Variants in CHRM3 observed in about 807,000 individuals in gnomAD.
The protein encoded by CHRM3 is cholinergic receptor muscarinic 3.
In CHRM3, 11 loss-of-function variants were observed where a neutral mutation model predicts 41.8. The observed-to-expected ratio is 0.26, with a 90% CI of 0.17 to 0.44. The LOEUF is 0.44. CHRM3 is among the 20% of genes least tolerant of loss of function. The pLI, the probability that CHRM3 is intolerant of heterozygous loss-of-function variation, is 1.00. For synonymous variants in CHRM3, 297 were observed against 301.4 expected (o/e 0.99, Z 0.15); for missense variants, 571 against 745.4 (o/e 0.77, Z 2.72).
chr1:239,876,581 T>C (rs190201912), intron 6 of CHRM3, among the ~76,000 whole-genome samples: 2 of 152,338 alleles, frequency 1.3e-5, no homozygotes, highest in Non-Finnish European at 2.9e-5. Context: ...CATTCATAGA[T>C]ATACATCTCC....
chr1:239,799,871 C>G (rs914808461), intron 5 of CHRM3, among the ~76,000 whole-genome samples: 1 of 152,052 alleles, frequency 6.6e-6, no homozygotes, highest in Non-Finnish European at 1.5e-5. Context: ...AATGAGAGCA[C>G]GTTGGAAGCT....
chr1:239,770,080 A>G lies in CHRM3; in HGVS notation c.-146-57172A>G, dbSNP rs1237755887. 2.6e-5 allele frequency among the ~76,000 whole-genome samples: 4 copies of G among 152,178 alleles called. No homozygotes were observed. The East Asian group carries it at 7.7e-4, about 29-fold the overall frequency. On this transcript the variant is annotated intron_variant, in intron 5 of 6. Coordinates refer to ENST00000676153, the MANE Select transcript of CHRM3 (RefSeq NM_001375978.1). ...GGAGCACTCTGGTTTCATACTCACA[A>G]AAGCTCTATATCAAAATACGTTGAA...
At chr1:239,696,307 T>C (rs554984114) in intron 5 of CHRM3, among the ~76,000 whole-genome samples, 1 of 152,100 alleles carries the variant, frequency 6.6e-6, no homozygotes, top group Non-Finnish European at 1.5e-5. Flanking sequence ...TAAACTATCA[T>C]GTGCTATAAA....
chr1:239,407,613 T>C (rs965141660), intron 1 of CHRM3, among the ~76,000 whole-genome samples: 4 of 152,110 alleles, frequency 2.6e-5, no homozygotes, highest in African/African-American at 9.7e-5. Flanking sequence ...TGCATATTTA[T>C]ATTGAAATCA....
At chr1:239,721,877 C>T (rs1273707640) in intron 5 of CHRM3, among the ~76,000 whole-genome samples, 1 of 151,762 alleles carries the variant, frequency 6.6e-6, no homozygotes, top group Non-Finnish European at 1.5e-5. Flanking sequence ...ATAAATATTG[C>T]AGCAGGTGAG....
intron 3 of CHRM3, among the ~76,000 whole-genome samples, chr1:239,592,178 C>G (rs560491677): frequency 6.6e-6 from 1 of 152,310 alleles, no homozygotes; most frequent in African/African-American, 2.4e-5. Flanking sequence ...ACATGACATC[C>G]ATCCATAGTC....
chr1:239,479,571 A>G (rs1229055459), intron 1 of CHRM3, among the ~76,000 whole-genome samples: 3 of 152,196 alleles, frequency 2.0e-5, no homozygotes, highest in Non-Finnish European at 4.4e-5. Flanking sequence ...TATTAGGTGA[A>G]CAGCATAGAG....
chr1:239,402,287 T>C (rs1660045191), intron 1 of CHRM3, among the ~76,000 whole-genome samples: 1 of 152,078 alleles, frequency 6.6e-6, no homozygotes, highest in African/African-American at 2.4e-5. Context: ...AAAGATAACT[T>C]CCCTCTTTAC....
chr1:239,642,700 C>G (rs1293333727), intron 4 of CHRM3, among the ~76,000 whole-genome samples: 3 of 152,068 alleles, frequency 2.0e-5, no homozygotes, highest in Non-Finnish European at 4.4e-5. Flanking sequence ...ACTTCTTTGC[C>G]TTTGGTTTGA....
chr1:239,438,246 A>G lies in CHRM3; in HGVS notation c.-521+51019A>G, dbSNP rs546228881. Among the ~76,000 whole-genome samples the G allele has an allele frequency of 3.1e-3, 476 of 152,330 alleles. 6 individuals are homozygous for G. Among genetic ancestry groups the G allele is most frequent in the African/African-American group, 0.011 (452 of 41,572 alleles). ...AGTTAAGAAAGATTTACTCTATAAAAGTATAGCTGTAGTACTGGGATGTAA... is the reference window on the plus strand; with the variant it reads ...AGTTAAGAAAGATTTACTCTATAAAGGTATAGCTGTAGTACTGGGATGTAA... On this transcript the variant is annotated intron_variant, in intron 1 of 6. Transcript: ENST00000676153.
chr1:239,877,040 T>C (rs1677162500), intron 6 of CHRM3, among the ~76,000 whole-genome samples: 1 of 152,174 alleles, frequency 6.6e-6, no homozygotes, highest in South Asian at 2.1e-4. Context: ...AGAAAAGACT[T>C]ACAGAAAATA....
intron 5 of CHRM3, among the ~76,000 whole-genome samples, chr1:239,736,996 A>T (rs1167713998): frequency 6.6e-6 from 1 of 152,166 alleles, no homozygotes; most frequent in Non-Finnish European, 1.5e-5. Flanking sequence ...GAAGTATTTT[A>T]AAATAGTTTA....
intron 5 of CHRM3, among the ~76,000 whole-genome samples, chr1:239,720,841 C>T (rs1662897324): frequency 6.6e-6 from 1 of 151,706 alleles, no homozygotes; most frequent in Non-Finnish European, 1.5e-5. Flanking sequence ...AAGTGATAGC[C>T]CCTTATCTTT....
intron 1 of CHRM3, among the ~76,000 whole-genome samples, chr1:239,418,190 C>G (rs1036507282): frequency 3.3e-5 from 5 of 152,136 alleles, no homozygotes; most frequent in African/African-American, 9.7e-5. Flanking sequence ...TTCTGAAGAC[C>G]CAGCACTGCT....
chr1:239,580,934 T>A (rs1358661183), intron 3 of CHRM3, among the ~76,000 whole-genome samples: 4 of 151,846 alleles, frequency 2.6e-5, no homozygotes, highest in Non-Finnish European at 4.4e-5. Flanking sequence ...GGTGTCTGAC[T>A]ACCCAAATGA....
chr1:239,694,245 A>C (rs1659974656), intron 5 of CHRM3, among the ~76,000 whole-genome samples: 1 of 152,240 alleles, frequency 6.6e-6, no homozygotes. Context: ...AAACCTAAAA[A>C]CTTATGATTG....
chr1:239,667,452 C>T (rs1673923068), intron 4 of CHRM3, among the ~76,000 whole-genome samples: 1 of 152,136 alleles, frequency 6.6e-6, no homozygotes, highest in Admixed American at 6.5e-5. Flanking sequence ...ATTACAAGGC[C>T]TTTTCTCCCC....
intron 6 of CHRM3, among the ~76,000 whole-genome samples, chr1:239,868,257 C>T (rs1300663927): frequency 6.6e-6 from 1 of 152,158 alleles, no homozygotes; most frequent in Non-Finnish European, 1.5e-5. Context: ...TCGTGACCTT[C>T]GGTGACAATG....
At chr1:239,594,315 A>G (rs924609363) in intron 3 of CHRM3, among the ~76,000 whole-genome samples, 1 of 152,226 alleles carries the variant, frequency 6.6e-6, no homozygotes, top group Non-Finnish European at 1.5e-5. Flanking sequence ...TTTTCCCCAA[A>G]TAGGTTGAAT....
Sources: gnomAD v4.1 joint callset for allele counts (sites outside exome capture counted in the v4.1 genomes callset) on GRCh38, gnomAD v4.1.1 for gene constraint, MANE v1.5 for transcripts, NCBI Gene and HGNC (gene_info 2026-07-23, HGNC 2026-07-21) for gene names.